MSI1: variants seen among roughly 807,000 people sequenced by gnomAD.
The protein encoded by MSI1 is RNA-binding protein Musashi homolog 1.
MSI1 carries 15 observed loss-of-function variants against 54.4 expected under a neutral mutation model. The ratio of observed to expected loss-of-function variants is 0.28; its 90% CI spans 0.18 to 0.42. The LOEUF (loss-of-function observed/expected upper bound fraction) is 0.42, where lower values mean the gene tolerates loss of function less well. MSI1 is among the 20% of genes least tolerant of loss of function. MSI1 has a pLI of 1.00. For missense variants in MSI1, 304 were observed against 506.0 expected (o/e 0.60, Z 3.83); for synonymous variants, 200 against 196.5 (o/e 1.02, Z -0.15).
intron 6 of MSI1, among the ~76,000 whole-genome samples, chr12:120,362,493 A>G (rs1447923687): frequency 6.6e-6 from 1 of 152,054 alleles, no homozygotes; most frequent in African/African-American, 2.4e-5. Context: ...CTCACAGCCA[A>G]TCCTCTGGGC....
intron 11 of MSI1, 21 bp from the exon 12 acceptor site, chr12:120,347,535 A>T: frequency 6.2e-7 from 1 of 1,613,922 alleles, no homozygotes; most frequent in Non-Finnish European, 8.5e-7. Context: ...AGGGATGGGC[A>T]CATCAGCATG....
At position 120,341,726 on chromosome 12, in the gene MSI1, G is replaced by T. The variant is rs1873682127; in HGVS notation, c.*1401C>A. ...AAGATTATTGCTTTGTGTTCTCAGG[G>T]CTGATAGGTTAAGCACCTCACACAG... On this transcript the variant is annotated 3_prime_UTR_variant, in exon 15 of 15. Transcript: ENST00000257552. 6.6e-6 allele frequency: 1 copy of T among 152,392 alleles called. No individual in the cohort carries two copies. The highest frequency in any genetic ancestry group is 1.9e-4 in the East Asian group (1 of 5,200). The allele number at this position is 152,392 out of a possible 1,614,324, so 9.4% of individuals were successfully genotyped here. A position where few individuals can be genotyped will look rare whatever the true frequency, so the allele number is the denominator to read the frequency against.
chr12:120,351,465 G>A, intron 10 of MSI1, 65 bp from the exon 11 acceptor site: 2 of 1,460,460 alleles, frequency 1.4e-6, no homozygotes, highest in Non-Finnish European at 1.9e-6. Context: ...GGCCCAGGGA[G>A]GACAAATGCA....
At chr12:120,360,610 C>A (rs964213986) in intron 6 of MSI1, among the ~76,000 whole-genome samples, 1 of 152,220 alleles carries the variant, frequency 6.6e-6, no homozygotes, top group South Asian at 2.1e-4. Flanking sequence ...GCCCACCCCT[C>A]ACTTAACCAA....
Position 120,347,466 on chromosome 12 carries a change from G to T in MSI1, c.839C>A (p.Ala280Glu). ...CTCACCTGTCCCTCGAACCACAGCC[G>T]CTGCCGCCGCTGCCGCCGCCATTGG... ...YGPMAAAAAA[A>E]AVVRGTGSHP... is the part of the protein sequence containing the mutation. Residue 280 changes from alanine (A) to glutamate (E), a missense_variant, in exon 12 of 15, where the codon GCG (alanine) becomes GAG (glutamate). By Grantham distance (107) the Ala-to-Glu change is moderately radical. This residue lies in a region of MSI1 where 147 missense variants were observed against 231.5 expected (regional missense o/e 0.64). Coordinates refer to ENST00000257552, the MANE Select transcript of MSI1 (RefSeq NM_002442.4). The T allele has an allele frequency of 1.2e-6, 2 of 1,613,910 alleles. No individual in the cohort carries two copies. Among genetic ancestry groups the T allele is most frequent in the Non-Finnish European group, 1.7e-6 (2 of 1,179,960 alleles).
In MSI1 at chr12:120,347,623, G is replaced by A. The variant is rs1414377723; in HGVS notation, c.791-109C>T. 6 of 1,349,550 alleles carry A rather than the reference G, an allele frequency of 4.4e-6. No individual in the cohort carries two copies. In the Admixed American group the frequency reaches 5.4e-5, roughly 12 times the overall value. The allele number at this position is 1,349,550 out of a possible 1,614,324, so 83.6% of individuals were successfully genotyped here. The stretch of plus-strand genomic sequence containing the variant: ...TGTCCAGCCTGGCCCTACCTCAGAG[G>A]GTTCCATGTAGCCCCAGGGTCAAGG... On this transcript the variant is annotated intron_variant, in intron 11 of 14. Coordinates refer to ENST00000257552, the MANE Select transcript of MSI1 (RefSeq NM_002442.4).
chr12:120,368,451 C>G lies in MSI1; in HGVS notation c.101-178G>C, dbSNP rs907821120. Among the ~76,000 whole-genome samples the G allele has an allele frequency of 1.3e-5, 2 of 151,846 alleles. No homozygotes were observed. The highest frequency in any genetic ancestry group is 4.8e-5 in the African/African-American group (2 of 41,368). ...CCCGTTCCCGCTGAGCCTCCTGGCG[C>G]CCACCGGGGCCCCGGGAAGCCGAGG... On this transcript the variant is annotated intron_variant, in intron 2 of 14. Coordinates refer to ENST00000257552, the MANE Select transcript of MSI1 (RefSeq NM_002442.4). This position sits in a 1 kb window ranked among gnomAD's most constrained non-coding sequence, Gnocchi z 6.6.
intron 4 of MSI1, among the ~76,000 whole-genome samples, chr12:120,365,097 G>A (rs1875931796): frequency 6.6e-6 from 1 of 152,060 alleles, no homozygotes. Context: ...TTTTAGTAGA[G>A]ACGGGGTTTC....
At chr12:120,366,070 A>G (rs1240426049) in intron 4 of MSI1, among the ~76,000 whole-genome samples, 1 of 152,220 alleles carries the variant, frequency 6.6e-6, no homozygotes, top group Non-Finnish European at 1.5e-5. Context: ...GACAAACAGC[A>G]AAAGACAGGG....
At chr12:120,341,274 C>G (rs1408776944), downstream of MSI1, 3 of 152,578 alleles carry the variant, frequency 2.0e-5, no homozygotes, top group East Asian at 5.8e-4. Flanking sequence ...ATCCCTAAAA[C>G]AGGAAAATGA....
In MSI1 at chr12:120,342,549, G is replaced by A. The variant is rs1873752877; in HGVS notation, c.*578C>T. The A allele has an allele frequency of 6.6e-6, 1 of 151,214 alleles. No homozygotes were observed. Among genetic ancestry groups the A allele is most frequent in the Non-Finnish European group, 1.5e-5 (1 of 67,862 alleles). The allele number at this position is 151,214 out of a possible 1,614,324, so 9.4% of individuals were successfully genotyped here. On this transcript the variant is annotated 3_prime_UTR_variant, in exon 15 of 15. Transcript: ENST00000257552. ...GCGGCCAGGGGCCCACACCCAGATA[G>A]ACACTTTGTTCTCAGCTGGTGGGGG... is the stretch of plus-strand genomic sequence containing the variant.
At chr12:120,340,189 C>T (rs879723704), downstream of MSI1, among the ~76,000 whole-genome samples, 15 of 151,396 alleles carry the variant, frequency 9.9e-5, no homozygotes, top group Admixed American at 7.3e-4. Context: ...TGGGCTCAAA[C>T]GATTCTTATG....
At chr12:120,348,280 C>A (rs1179434) in intron 11 of MSI1, among the ~76,000 whole-genome samples, 90,760 of 152,054 alleles carry the variant, frequency 0.6, 27,346 homozygotes, top group South Asian at 0.66. Context: ...GTGCTTAATA[C>A]CTGCTGAAAG....
chr12:120,357,477 C>A (rs1259410917), intron 8 of MSI1, among the ~76,000 whole-genome samples: 1 of 152,182 alleles, frequency 6.6e-6, no homozygotes, highest in Non-Finnish European at 1.5e-5. Context: ...GCGCTCCATC[C>A]AATCCCAACT....
In MSI1 at chr12:120,361,698, C is replaced by G. The variant is rs1269775877; in HGVS notation, c.402+1345G>C. The stretch of plus-strand genomic sequence containing the variant: ...CCATGGCGGCTGACCATTGTTCCCC[C>G]CTCGGCGGCGGCCCCTCGATCCGGG... On this transcript the variant is annotated intron_variant, in intron 6 of 14. Coordinates refer to ENST00000257552, the MANE Select transcript of MSI1 (RefSeq NM_002442.4). Among the ~76,000 whole-genome samples the G allele has an allele frequency of 7.3e-5, 11 of 151,460 alleles. No individual in the cohort carries two copies. The East Asian group carries it at 1.2e-3, about 16-fold the overall frequency.
Position 120,343,810 on chromosome 12 carries a change from T to C in MSI1, c.*22-705A>G, listed in dbSNP as rs189011081. On this transcript the variant is annotated intron_variant, in intron 14 of 14. Transcript: ENST00000257552. ...GGCTCACAGTCTCCCACCATCTGGATAGACACTGTGATGGCCGTGTACACA... is the reference window on the plus strand; with the variant it reads ...GGCTCACAGTCTCCCACCATCTGGACAGACACTGTGATGGCCGTGTACACA... Among the ~76,000 whole-genome samples, 475 of 152,318 alleles carry C rather than the reference T, an allele frequency of 3.1e-3. 2 individuals carry two copies. Among genetic ancestry groups the C allele is most frequent in the African/African-American group, 0.011 (445 of 41,564 alleles).
intron 6 of MSI1, among the ~76,000 whole-genome samples, chr12:120,359,420 T>C (rs529596270): frequency 1.3e-5 from 2 of 152,178 alleles, no homozygotes; most frequent in East Asian, 1.9e-4. Context: ...GAAGGAAATA[T>C]GGGAGGGAGG....
intron 6 of MSI1, among the ~76,000 whole-genome samples, chr12:120,362,076 C>T (rs949493848): frequency 1.3e-5 from 2 of 151,972 alleles, no homozygotes; most frequent in Admixed American, 1.3e-4. Flanking sequence ...GCCCTCTGTC[C>T]CGGACCCAGG....
chr12:120,340,442 A>G (rs891687320), downstream of MSI1, among the ~76,000 whole-genome samples: 1 of 151,940 alleles, frequency 6.6e-6, no homozygotes, highest in Admixed American at 6.6e-5. Flanking sequence ...TTCATAATTT[A>G]CTATTCTTTG....
Sources: gnomAD v4.1 joint callset for allele counts (sites outside exome capture counted in the v4.1 genomes callset) on GRCh38, gnomAD v4.1.1 for gene constraint, gnomAD v4.1.1 regional missense constraint, Gnocchi (gnomAD v3.1) non-coding constraint, MANE v1.5 for transcripts, NCBI Gene and HGNC (gene_info 2026-07-23, HGNC 2026-07-21) for gene names.